The following TSPOAP1 variants were observed in gnomAD, a reference collection of about 807,000 sequenced individuals.
The protein encoded by TSPOAP1 is peripheral-type benzodiazepine receptor-associated protein 1.
TSPOAP1 carries 87 observed loss-of-function variants against 197.0 expected under a neutral mutation model. The ratio of observed to expected loss-of-function variants is 0.44; its 90% CI spans 0.37 to 0.53. TSPOAP1 has a LOEUF of 0.53. Ranked by LOEUF, TSPOAP1 falls within the 20% of genes least tolerant of loss-of-function variation. The pLI is 0.00. For synonymous variants in TSPOAP1, 913 were observed against 998.9 expected, an observed-to-expected ratio of 0.91 and a Z score of 1.62; for missense variants, 2,174 against 2,411.3, an observed-to-expected ratio of 0.90 and a Z score of 2.06.
At position 58,325,631 on chromosome 17, in the gene TSPOAP1, C is replaced by T; in HGVS notation, c.653G>A (p.Ser218Asn). ...GGCCAGCAGTGCACTGGCTGTCTCA[C>T]TGAGGTCCCGGGCTCGCTGGCGGGC... Reference protein sequence around the residue: ...ALARQRARDLSETASALLAKD... With the variant: ...ALARQRARDLNETASALLAKD... The change falls in exon 4 of 32, where the codon AGT becomes AAT. Residue 218 changes from serine (S) to asparagine (N), a missense_variant. Ser to Asn is a conservative substitution (Grantham distance 46). Transcript: ENST00000343736. 1 of 1,613,650 alleles carries T rather than the reference C, an allele frequency of 6.2e-7. No individual in the cohort carries two copies. The highest frequency in any genetic ancestry group is 1.7e-5 in the Admixed American group (1 of 60,026).
In TSPOAP1 at chr17:58,310,667, C is replaced by T. The variant is rs375217529; in HGVS notation, c.3544G>A (p.Ala1182Thr). 38 of 1,612,712 alleles carry T rather than the reference C, an allele frequency of 2.4e-5. No homozygotes were observed. The highest frequency in any genetic ancestry group is 4.5e-5 in the East Asian group (2 of 44,874). ...TCCTGCTTGGCCAGTGAGGGAGCTG[C>T]GGGGCCAGGGTCCTTCTCACCCAGG... ...STLGEKDPGP[A>T]APSLAKQEAE... is the part of the protein sequence containing the mutation. The change falls in exon 20 of 32, where the codon GCA becomes ACA. Residue 1182 changes from alanine to threonine, a missense_variant. Coordinates refer to ENST00000343736, the MANE Select transcript of TSPOAP1 (RefSeq NM_004758.4).
In TSPOAP1 at chr17:58,312,652, G is replaced by A. The variant is rs754916831; in HGVS notation, c.2169C>T (p.Leu723=). The change falls in exon 17 of 32, where the codon CTC becomes CTT. Residue 723 remains leucine, a synonymous_variant. Coordinates refer to ENST00000343736, the MANE Select transcript of TSPOAP1 (RefSeq NM_004758.4). ...NFVERVSDDD[L]LTSLPPELAD... ...CCAGCTCTGGAGGGAGGGAGGTCAG[G>A]AGGTCATCATCCGACACACGCTCTA... 6.2e-7 allele frequency: 1 copy of A among 1,613,732 alleles called. No individual in the cohort carries two copies. The highest frequency in any genetic ancestry group is 8.5e-7 in the Non-Finnish European group (1 of 1,179,964).
intron 13 of TSPOAP1, 112 bp from the exon 14 acceptor site, chr17:58,318,564 A>G: frequency 9.5e-7 from 1 of 1,051,392 alleles, no homozygotes; most frequent in Non-Finnish European, 1.3e-6. Context: ...GGGCTTCCTT[A>G]CAAAAAGGGA....
In TSPOAP1 at chr17:58,320,938, T is replaced by C. The variant is rs1002260578; in HGVS notation, c.1423-357A>G. On this transcript the variant is annotated intron_variant, in intron 10 of 31. Coordinates refer to ENST00000343736, the MANE Select transcript of TSPOAP1 (RefSeq NM_004758.4). The stretch of plus-strand genomic sequence containing the variant: ...GCTCCCTGTCCCCCATTTTGAATGT[T>C]AGGGTTACCCTGGACCCAGTGCTGG... 3.3e-5 allele frequency among the ~76,000 whole-genome samples: 5 copies of C among 152,176 alleles called. No homozygotes were observed. In the East Asian group the frequency reaches 7.7e-4, roughly 24 times the overall value.
At position 58,326,495 on chromosome 17, in the gene TSPOAP1, G is replaced by A. The variant is rs1157237519; in HGVS notation, c.442-74C>T. The A allele has an allele frequency of 4.4e-6, 7 of 1,586,584 alleles. No homozygotes were observed. The highest frequency in any genetic ancestry group is 6.0e-6 in the Non-Finnish European group (7 of 1,166,086). On this transcript the variant is annotated intron_variant, in intron 2 of 31. Coordinates refer to ENST00000343736, the MANE Select transcript of TSPOAP1 (RefSeq NM_004758.4). The surrounding 1 kb of genome is among the most constrained non-coding windows in gnomAD (Gnocchi z 4.7). The stretch of plus-strand genomic sequence containing the variant: ...ACCCAGTCCTAACAGCCCAAGTCTT[G>A]GGCTAGAGCCCTAGGCTCACAGTGG...
In TSPOAP1 at chr17:58,301,571, T is replaced by A. The variant is rs1253650146; in HGVS notation, c.*909A>T. The stretch of plus-strand genomic sequence containing the variant: ...CAAAATAAGGCAAACCCAACTCCGC[T>A]TTCGGCCCCGCTGGCCCCAGGGTCT... On this transcript the variant is annotated 3_prime_UTR_variant, in exon 32 of 32. Transcript: ENST00000343736. 6.5e-6 allele frequency: 1 copy of A among 152,724 alleles called. No individual in the cohort carries two copies. Among genetic ancestry groups the A allele is most frequent in the Non-Finnish European group, 1.5e-5 (1 of 68,080 alleles). 9.5% of individuals were successfully genotyped at this position (152,724 alleles called of 1,614,324 possible).
rs758631762 is a variant in TSPOAP1 at position 58,306,403 on chromosome 17, C to T, written c.5163G>A (p.Pro1721=). 58 of 1,555,158 alleles carry T rather than the reference C, an allele frequency of 3.7e-5. 1 individual carries two copies. In the South Asian group the frequency reaches 5.0e-4, roughly 13 times the overall value. The part of the protein sequence containing the change: ...DILLEGSGNG[P]FVYSTAHTTG... Reference sequence around the variant, plus strand: ...TTGTGTGGGCTGTGGAGTACACAAACGGACCATTCCCTGATCCAGAAAAGC... The same window carrying T: ...TTGTGTGGGCTGTGGAGTACACAAATGGACCATTCCCTGATCCAGAAAAGC... Residue 1721 remains proline (P), a synonymous_variant, in exon 26 of 32, where the codon CCG becomes CCA. Coordinates refer to ENST00000343736, the MANE Select transcript of TSPOAP1 (RefSeq NM_004758.4).
At position 58,305,882 on chromosome 17, in the gene TSPOAP1, C is replaced by G. The variant is rs1438696391; in HGVS notation, c.5225-17G>C. On this transcript the variant is annotated splice_polypyrimidine_tract_variant and intron_variant, in intron 26 of 31. Coordinates refer to ENST00000343736, the MANE Select transcript of TSPOAP1 (RefSeq NM_004758.4). The stretch of plus-strand genomic sequence containing the variant: ...CCGACTCAGCTGTGGAAAGAATGTG[C>G]CTGTGAGCCCCCTCCCACCCTGCCC... 6.2e-6 allele frequency: 10 copies of G among 1,611,154 alleles called. No homozygotes were observed. The highest frequency in any genetic ancestry group is 7.6e-6 in the Non-Finnish European group (9 of 1,179,554).
In TSPOAP1 at chr17:58,304,032, G is replaced by A. The variant is rs917233063; in HGVS notation, c.*32+306C>T. The A allele has an allele frequency of 7.6e-5, 24 of 317,520 alleles. No individual in the cohort carries two copies. Among genetic ancestry groups the A allele is most frequent in the Admixed American group, 4.1e-4 (9 of 22,190 alleles). The allele number at this position is 317,520 out of a possible 1,614,324, so 19.7% of individuals were successfully genotyped here. The stretch of plus-strand genomic sequence containing the variant: ...TGATGAGTCCTAATATGGATGTCAC[G>A]TCATGTTCTATAAACCACATGTGTT... On this transcript the variant is annotated intron_variant, in intron 31 of 31. Coordinates refer to ENST00000343736, the MANE Select transcript of TSPOAP1 (RefSeq NM_004758.4). This position sits in a 1 kb window ranked among gnomAD's most constrained non-coding sequence, Gnocchi z 4.2.
At chr17:58,307,372 A>T in intron 24 of TSPOAP1, 1 of 579,798 alleles carries the variant, frequency 1.7e-6, no homozygotes, top group Non-Finnish European at 3.0e-6. Context: ...ACACCCTGTG[A>T]GGTAGACACT....
rs773135411 is a variant in TSPOAP1 at position 58,312,185 on chromosome 17, G to A, written c.2636C>T (p.Ala879Val). 12 of 1,612,698 alleles carry A rather than the reference G, an allele frequency of 7.4e-6. No homozygotes were observed. In the East Asian group the frequency reaches 2.0e-4, roughly 27 times the overall value. Residue 879 changes from alanine (A) to valine (V), a missense_variant, in exon 17 of 32, where the codon GCC becomes GTC. Around this residue, in one of 5 missense-constraint regions of TSPOAP1, gnomAD observed 1,933 missense variants for 2,139.0 expected, o/e 0.90. Coordinates refer to ENST00000343736, the MANE Select transcript of TSPOAP1 (RefSeq NM_004758.4). The stretch of plus-strand genomic sequence containing the variant: ...CTGGCTGGGCACCACTCCGGCCCGG[G>A]CACCCACCGCCAAGCAACAGCGCAG... ...DPLRCCLAVG[A>V]RAGVVPSQLR... is the part of the protein sequence containing the mutation.
Position 58,311,738 on chromosome 17 carries a change from C to A in TSPOAP1, c.2930-16G>T. 6.5e-7 allele frequency: 1 copy of A among 1,547,982 alleles called. No individual in the cohort carries two copies. The highest frequency in any genetic ancestry group is 1.9e-5 in the Admixed American group (1 of 51,486). On this transcript the variant is annotated splice_polypyrimidine_tract_variant and intron_variant, in intron 17 of 31. Coordinates refer to ENST00000343736, the MANE Select transcript of TSPOAP1 (RefSeq NM_004758.4). ...TCAGGTGGGCCTGGGGGCAGGGGGGCACAAGACCCAGTGATGCAGGACGCT... is the reference window on the plus strand; with the variant it reads ...TCAGGTGGGCCTGGGGGCAGGGGGGAACAAGACCCAGTGATGCAGGACGCT...
rs1396300134 is a variant in TSPOAP1, at chr17:58,312,355, G to A, written c.2466C>T (p.Gly822=). The A allele has an allele frequency of 4.3e-6, 7 of 1,612,112 alleles. No homozygotes were observed. In the Admixed American group the frequency reaches 1.0e-4, roughly 23 times the overall value. ...EPPPEQVELH[G]FHICVNGELR... ...GCTCCCCATTCACACAGATATGGAA[G>A]CCGTGTAGCTCCACTTGCTCAGGAG... The change falls in exon 17 of 32, where the codon GGC becomes GGT. Residue 822 remains glycine, a synonymous_variant. Transcript: ENST00000343736.
At position 58,311,073 on chromosome 17, in the gene TSPOAP1, G is replaced by T. The variant is rs1252863782; in HGVS notation, c.3222C>A (p.Ile1074=). 6.3e-7 allele frequency: 1 copy of T among 1,579,302 alleles called. No homozygotes were observed. The highest frequency in any genetic ancestry group is 8.6e-7 in the Non-Finnish European group (1 of 1,162,924). The part of the protein sequence containing the change: ...GESADSIPAP[I]TPALAPASLP... ...GGCTGGCCGGAGCCAGGGCGGGAGT[G>T]ATAGGAGCCGGGATGGAGTCCGCCG... Residue 1074 remains isoleucine (I), a synonymous_variant, in exon 19 of 32, where the codon ATC becomes ATA. Transcript: ENST00000343736.
Position 58,328,121 on chromosome 17 carries a change from G to A in TSPOAP1, c.-201C>T. 1 of 596,750 alleles carries A rather than the reference G, an allele frequency of 1.7e-6. No homozygotes were observed. Among genetic ancestry groups the A allele is most frequent in the South Asian group, 2.1e-5 (1 of 48,402 alleles). 37.0% of individuals were successfully genotyped at this position (596,750 alleles called of 1,614,324 possible). On this transcript the variant is annotated 5_prime_UTR_variant, in exon 1 of 32. Coordinates refer to ENST00000343736, the MANE Select transcript of TSPOAP1 (RefSeq NM_004758.4). The surrounding 1 kb of genome is among the most constrained non-coding windows in gnomAD (Gnocchi z 4.3). ...CAGGGCTGCTGGAGCTGGAGCCAGG[G>A]GTATGTGAGCTATGTTTGCTGGTAG...
chr17:58,326,796 A>G lies in TSPOAP1; in HGVS notation c.334-6T>C. ...AAGCTCATATTCAGCTTGGCCTGGC[A>G]TGGGAAAGGACCGAGGACAGCACCT... On this transcript the variant is annotated splice_region_variant and splice_polypyrimidine_tract_variant and intron_variant, in intron 1 of 31. Coordinates refer to ENST00000343736, the MANE Select transcript of TSPOAP1 (RefSeq NM_004758.4). The surrounding 1 kb of genome is among the most constrained non-coding windows in gnomAD (Gnocchi z 4.7). The G allele has an allele frequency of 6.2e-7, 1 of 1,613,690 alleles. No individual in the cohort carries two copies. The highest frequency in any genetic ancestry group is 8.5e-7 in the Non-Finnish European group (1 of 1,179,760).
intron 20 of TSPOAP1, 67 bp downstream of exon 20, chr17:58,310,445 G>A (rs573677625): frequency 1.9e-5 from 30 of 1,582,910 alleles, no homozygotes; most frequent in East Asian, 6.8e-5. Flanking sequence ...CTGGATTTGC[G>A]CTGGCAAAAG....
At position 58,305,046 on chromosome 17, in the gene TSPOAP1, C is replaced by T. The variant is rs1397008133; in HGVS notation, c.5544+15G>A. ...AGACTGCCCTGCCAAGCTGGGAGCC[C>T]AGCTCCTCACTGACCTGACTCTCAG... On this transcript the variant is annotated intron_variant, in intron 30 of 31. Transcript: ENST00000343736. 2.5e-6 allele frequency: 4 copies of T among 1,605,894 alleles called. No homozygotes were observed. The highest frequency in any genetic ancestry group is 3.4e-6 in the Non-Finnish European group (4 of 1,172,604).
intron 16 of TSPOAP1, 49 bp from the exon 17 acceptor site, chr17:58,312,771 A>T (rs1404407046): frequency 2.7e-6 from 4 of 1,499,022 alleles, no homozygotes; most frequent in Non-Finnish European, 3.6e-6. Flanking sequence ...GACAGAGAGG[A>T]GATAAAGAAA....
Sources: allele counts gnomAD v4.1 joint callset (sites outside exome capture counted in the v4.1 genomes callset), GRCh38; gene constraint gnomAD v4.1.1; regional missense constraint gnomAD v4.1.1; non-coding constraint Gnocchi (gnomAD v3.1); transcripts MANE v1.5; gene names NCBI Gene and HGNC (gene_info 2026-07-23, HGNC 2026-07-21).